ZDHHC11: variants seen among roughly 807,000 people sequenced by gnomAD.
ZDHHC11 encodes the protein palmitoyltransferase ZDHHC11.
A neutral mutation model predicts 51.3 loss-of-function variants in ZDHHC11; 44 were observed. That is an observed-to-expected ratio of 0.86 (90% CI 0.67 to 1.10). ZDHHC11 has a LOEUF of 1.10. ZDHHC11 is among the 50% of genes least tolerant of loss of function. ZDHHC11 has a pLI of 0.00. For missense variants in ZDHHC11, 400 were observed against 537.7 expected, an observed-to-expected ratio of 0.74 and a Z score of 2.53; for synonymous variants, 163 against 222.0, an observed-to-expected ratio of 0.73 and a Z score of 2.36.
intron 5 of ZDHHC11, 34 bp from the exon 6 acceptor site, chr5:837,514 C>A: frequency 6.2e-7 from 1 of 1,600,328 alleles, no homozygotes; most frequent in Admixed American, 1.7e-5. Flanking sequence ...GGACAAGATA[C>A]CAGCCCTGCG....
At chr5:834,858 T>C (rs1329034571) in intron 6 of ZDHHC11, among the ~76,000 whole-genome samples, 1 of 151,952 alleles carries the variant, frequency 6.6e-6, no homozygotes, top group African/African-American at 2.4e-5. Context: ...CATGTAAACG[T>C]AACTTTTATA....
chr5:816,029 C>T (rs1274069997), intron 10 of ZDHHC11, among the ~76,000 whole-genome samples: 2 of 151,528 alleles, frequency 1.3e-5, no homozygotes, highest in African/African-American at 4.8e-5. Context: ...TGTGCTTTGT[C>T]GTTCATATTA....
chr5:846,421 C>T (rs1478856835), intron 3 of ZDHHC11, among the ~76,000 whole-genome samples: 11 of 150,960 alleles, frequency 7.3e-5, no homozygotes, highest in Non-Finnish European at 1.2e-4. Flanking sequence ...GCACACGGGG[C>T]CTTGAGAGTC....
chr5:852,122 CA>C (rs1384911653), upstream of ZDHHC11, among the ~76,000 whole-genome samples: 1 of 151,284 alleles, frequency 6.6e-6, no homozygotes, highest in Non-Finnish European at 1.5e-5. Context: ...CACAGAAAGA[CA>C]ACCCTGTACA....
intron 9 of ZDHHC11, among the ~76,000 whole-genome samples, chr5:819,967 A>G (rs1356712576): frequency 6.6e-6 from 1 of 151,292 alleles, no homozygotes; most frequent in Non-Finnish European, 1.5e-5. Context: ...ATTTTATAAA[A>G]CAGCACATCA....
At chr5:847,272 C>A (rs535859062) in intron 3 of ZDHHC11, among the ~76,000 whole-genome samples, 2,676 of 146,544 alleles carry the variant, frequency 0.018, 1 homozygote, top group African/African-American at 0.067. Context: ...GCAAGTGCCC[C>A]CGGGGGGCCT....
At chr5:824,700 C>T (rs906172847) in intron 8 of ZDHHC11, among the ~76,000 whole-genome samples, 3 of 151,206 alleles carry the variant, frequency 2.0e-5, no homozygotes, top group East Asian at 1.9e-4. Context: ...TACACTTGTA[C>T]GTGTGACCAC....
At chr5:854,116 AGG>A (rs1355022684), upstream of ZDHHC11, among the ~76,000 whole-genome samples, 2 of 144,680 alleles carry the variant, frequency 1.4e-5, no homozygotes. Flanking sequence ...GAGGACAGTG[AGG>A]AGCGGGGACA....
intron 5 of ZDHHC11, 47 bp downstream of exon 5, chr5:840,448 G>C (rs757134113): frequency 8.2e-5 from 133 of 1,612,262 alleles, no homozygotes; most frequent in Non-Finnish European, 1.1e-4. Flanking sequence ...GAGCAGCTCT[G>C]ACCACCCAGC....
intron 11 of ZDHHC11, among the ~76,000 whole-genome samples, chr5:803,652 A>C (rs370022766): frequency 1.5e-4 from 22 of 151,216 alleles, no homozygotes; most frequent in African/African-American, 5.3e-4. Flanking sequence ...GGCATAAACT[A>C]TGTCTGTGAA....
At chr5:813,854 TGA>T (rs1319625985) in intron 11 of ZDHHC11, among the ~76,000 whole-genome samples, 1 of 142,542 alleles carries the variant, frequency 7.0e-6, no homozygotes, top group South Asian at 2.1e-4. Flanking sequence ...TGTGTCAGTG[TGA>T]GAGAGTGTGA....
intron 1 of ZDHHC11, among the ~76,000 whole-genome samples, chr5:858,708 C>G (rs530360588): frequency 1.3e-5 from 2 of 152,170 alleles, no homozygotes; most frequent in Non-Finnish European, 2.9e-5. Context: ...TCCTCTACTC[C>G]CCACAGTGGA....
intron 7 of ZDHHC11, among the ~76,000 whole-genome samples, chr5:831,654 T>C (rs1213332760): frequency 8.1e-5 from 12 of 147,772 alleles, no homozygotes; most frequent in African/African-American, 2.7e-4. Context: ...GAGACAGTTC[T>C]CAACAGAAGA....
intron 1 of ZDHHC11, 57 bp downstream of exon 1, chr5:850,324 T>C: frequency 2.9e-5 from 46 of 1,569,006 alleles, no homozygotes; most frequent in Non-Finnish European, 3.9e-5. Context: ...GCCAGGTCCA[T>C]CGCAAGTTCC....
chr5:837,959 G>C (rs1744145482), intron 5 of ZDHHC11, among the ~76,000 whole-genome samples: 1 of 151,924 alleles, frequency 6.6e-6, no homozygotes. Context: ...CGCACCTTGG[G>C]GGATGCACAG....
chr5:856,573 C>A (rs1748281606), intron 1 of ZDHHC11, among the ~76,000 whole-genome samples: 1 of 151,472 alleles, frequency 6.6e-6, no homozygotes, highest in South Asian at 2.1e-4. Flanking sequence ...ATGCACCACA[C>A]ACCACACAAA....
At chr5:809,425 C>T (rs958864847) in intron 11 of ZDHHC11, among the ~76,000 whole-genome samples, 4 of 147,616 alleles carry the variant, frequency 2.7e-5, no homozygotes, top group South Asian at 2.1e-4. Flanking sequence ...ATGTGGGTCC[C>T]GGATGACAGG....
At chr5:854,713 G>A (rs146762459), upstream of ZDHHC11, among the ~76,000 whole-genome samples, 1,226 of 108,136 alleles carry the variant, frequency 0.011, 18 homozygotes, top group African/African-American at 0.041. Context: ...GGGACAGACC[G>A]CACAGAGGAC....
Position 814,035 on chromosome 5 carries a change from G to A in ZDHHC11, c.1181+726C>T, listed in dbSNP as rs1283192228. Reference sequence around the variant, plus strand: ...CAATATCTAAACCCTAAAACTCTGGGAAATGTTGTATAAAGCTGCTTTTTA... The same window carrying A: ...CAATATCTAAACCCTAAAACTCTGGAAAATGTTGTATAAAGCTGCTTTTTA... On this transcript the variant is annotated intron_variant, in intron 11 of 12. Coordinates refer to ENST00000283441, the MANE Select transcript of ZDHHC11 (RefSeq NM_024786.3). Among the ~76,000 whole-genome samples the A allele has an allele frequency of 2.0e-4, 29 of 148,712 alleles. 1 individual carries two copies. Among genetic ancestry groups the A allele is most frequent in the Non-Finnish European group, 3.6e-4 (24 of 67,320 alleles).
Sources: gnomAD v4.1 joint callset for allele counts (sites outside exome capture counted in the v4.1 genomes callset) on GRCh38, gnomAD v4.1.1 for gene constraint, MANE v1.5 for transcripts, NCBI Gene and HGNC (gene_info 2026-07-23, HGNC 2026-07-21) for gene names.